SLC12A1: variants seen among roughly 807,000 people sequenced by gnomAD.
The protein encoded by SLC12A1 is Na-K-2Cl cotransporter.
A neutral mutation model predicts 130.4 loss-of-function variants in SLC12A1; 89 were observed. The ratio of observed to expected loss-of-function variants is 0.68; its 90% CI spans 0.58 to 0.81. The LOEUF (loss-of-function observed/expected upper bound fraction) is 0.81. Among genes scored for constraint, SLC12A1 ranks in the 40% least tolerant of loss-of-function variants. The probability of loss-of-function intolerance (pLI) is 0.00; values close to 1 mark genes in which losing one functional copy is unlikely to be tolerated. For missense variants in SLC12A1, 1,310 were observed against 1,336.4 expected, an observed-to-expected ratio of 0.98 and a Z score of 0.31; for synonymous variants, 499 against 460.0, an observed-to-expected ratio of 1.08 and a Z score of -1.09.
At chr15:48,238,296 G>T (rs1238947437) in intron 9 of SLC12A1, among the ~76,000 whole-genome samples, 1 of 152,186 alleles carries the variant, frequency 6.6e-6, no homozygotes, top group African/African-American at 2.4e-5. Context: ...GATGTCTAGT[G>T]AGTGGGTAGC....
intron 5 of SLC12A1, chr15:48,227,272 T>C (rs2041302333): frequency 2.2e-6 from 2 of 911,908 alleles, no homozygotes; most frequent in African/African-American, 1.7e-5. Flanking sequence ...TGCTAATTAG[T>C]CCCCAGTGTC....
At chr15:48,253,180 T>C (rs1361135479) in intron 15 of SLC12A1, among the ~76,000 whole-genome samples, 4 of 152,196 alleles carry the variant, frequency 2.6e-5, no homozygotes, top group African/African-American at 9.7e-5. Flanking sequence ...TTTTATGACT[T>C]TACCTATTGT....
At chr15:48,227,169 G>A in intron 5 of SLC12A1, 1 of 1,545,554 alleles carries the variant, frequency 6.5e-7, no homozygotes, top group Non-Finnish European at 8.8e-7. Context: ...GGAGTAGTAA[G>A]AGGAGGTAAG....
rs369968019 is a variant in SLC12A1 at position 48,208,493 on chromosome 15, TG to T, written c.420+355del. ...ACACCTGACTAACTTTTTTATTTTT[TG>T]TAGAGACAGGGTCTTGCTATGTTGC... is the stretch of plus-strand genomic sequence containing the variant. On this transcript the variant is annotated intron_variant, in intron 2 of 26. Transcript: ENST00000380993. Among the ~76,000 whole-genome samples the T allele has an allele frequency of 2.7e-3, 407 of 152,168 alleles. 1 individual carries two copies. The highest frequency in any genetic ancestry group is 9.4e-3 in the African/African-American group (392 of 41,512).
At position 48,300,267 on chromosome 15, in the gene SLC12A1, G is replaced by A. The variant is rs569487384; in HGVS notation, c.3096+992G>A. ...GATCACTTGAGCCCAGGGGGCAGAG[G>A]TGAGCTGAGCTCGTGCCACTGTACT... is the stretch of plus-strand genomic sequence containing the variant. On this transcript the variant is annotated intron_variant, in intron 25 of 26. Transcript: ENST00000380993. Among the ~76,000 whole-genome samples, 7 of 152,042 alleles carry A rather than the reference G, an allele frequency of 4.6e-5. No homozygotes were observed. The South Asian group carries it at 1.2e-3, about 27-fold the overall frequency.
At chr15:48,243,589 AG>A (rs139161131) in intron 10 of SLC12A1, among the ~76,000 whole-genome samples, 3,651 of 152,314 alleles carry the variant, frequency 0.024, 146 homozygotes, top group African/African-American at 0.085. Flanking sequence ...CAGGAGGCGG[AG>A]GTTGCAGTGA....
rs1693758795 is a variant in SLC12A1, at chr15:48,221,004, T to C, written c.628+8T>C. 6.2e-7 allele frequency: 1 copy of C among 1,611,372 alleles called. No homozygotes were observed. The highest frequency in any genetic ancestry group is 8.5e-7 in the Non-Finnish European group (1 of 1,177,538). The stretch of plus-strand genomic sequence containing the variant: ...TTGGAGAAGCTGGAATTGGTAAGCA[T>C]TTTTCCCCTCCTAAATAATTTTGCA... On this transcript the variant is annotated splice_region_variant and intron_variant, in intron 4 of 26. Coordinates refer to ENST00000380993, the MANE Select transcript of SLC12A1 (RefSeq NM_000338.3).
In SLC12A1 at chr15:48,301,504, G is replaced by GGGGGA. The variant is rs1555387787; in HGVS notation, c.3164+126_3164+127insAGGGG. The stretch of plus-strand genomic sequence containing the variant: ...TTGTTTTGTTTTTGTGTTTTTTTTG[G>GGGGGA]GGGGGGGAACACGTGGGATTCTTAG... On this transcript the variant is annotated intron_variant, in intron 26 of 26. Coordinates refer to ENST00000380993, the MANE Select transcript of SLC12A1 (RefSeq NM_000338.3). The GGGGGA allele has an allele frequency of 1.1e-3, 546 of 502,866 alleles. 17 individuals are homozygous for GGGGGA. The Middle Eastern group carries it at 0.012, about 11-fold the overall frequency. The allele number at this position is 502,866 out of a possible 1,614,324, so 31.2% of individuals were successfully genotyped here. A position where few individuals can be genotyped will look rare whatever the true frequency, so the allele number is the denominator to read the frequency against.
intron 16 of SLC12A1, among the ~76,000 whole-genome samples, chr15:48,257,772 G>A (rs998589020): frequency 9.9e-5 from 15 of 152,212 alleles, no homozygotes; most frequent in African/African-American, 3.6e-4. Context: ...TGATGAGAGA[G>A]GCTGCTGTGA....
chr15:48,291,445 A>G (rs141626558), intron 23 of SLC12A1, among the ~76,000 whole-genome samples: 6 of 152,262 alleles, frequency 3.9e-5, no homozygotes, highest in African/African-American at 7.2e-5. Flanking sequence ...ATAATAGTCC[A>G]TAAGTATTAA....
chr15:48,212,851 GATC>G (rs2041069984), intron 2 of SLC12A1, among the ~76,000 whole-genome samples: 1 of 152,072 alleles, frequency 6.6e-6, no homozygotes, highest in African/African-American at 2.4e-5. Flanking sequence ...ACTATATTTG[GATC>G]ATTATGCTGT....
At chr15:48,300,256 AG>A (rs2042217956) in intron 25 of SLC12A1, among the ~76,000 whole-genome samples, 1 of 151,922 alleles carries the variant, frequency 6.6e-6, no homozygotes, top group East Asian at 1.9e-4. Flanking sequence ...ACTTGAGCCC[AG>A]GGGGCAGAGG....
intron 21 of SLC12A1, among the ~76,000 whole-genome samples, chr15:48,287,312 C>T (rs1390319076): frequency 1.3e-5 from 2 of 151,958 alleles, no homozygotes; most frequent in African/African-American, 4.8e-5. Context: ...TTTATATACA[C>T]CCTTAATTAT....
chr15:48,244,441 T>A lies in SLC12A1; in HGVS notation c.1301-312T>A, dbSNP rs1234203881. Reference sequence around the variant, plus strand: ...GGTAGTACTAAGCCAGACATATATATTGAGTATGTGTTATGTACCAAGCAC... The same window carrying A: ...GGTAGTACTAAGCCAGACATATATAATGAGTATGTGTTATGTACCAAGCAC... On this transcript the variant is annotated intron_variant, in intron 10 of 26. Transcript: ENST00000380993. Among the ~76,000 whole-genome samples the A allele has an allele frequency of 5.9e-5, 9 of 152,200 alleles. 1 individual carries two copies. The highest frequency in any genetic ancestry group is 1.2e-4 in the Non-Finnish European group (8 of 68,040).
intron 19 of SLC12A1, among the ~76,000 whole-genome samples, chr15:48,270,579 T>C (rs2041882138): frequency 6.8e-6 from 1 of 146,696 alleles, no homozygotes; most frequent in Non-Finnish European, 1.5e-5. Flanking sequence ...CTATATATTA[T>C]ATACTCCAAA....
At chr15:48,284,004 A>G (rs1311393596) in intron 20 of SLC12A1, among the ~76,000 whole-genome samples, 1 of 152,262 alleles carries the variant, frequency 6.6e-6, no homozygotes, top group Non-Finnish European at 1.5e-5. Context: ...AATTTTCGTC[A>G]CAATCGGAAT....
chr15:48,241,820 A>T (rs956294899), intron 10 of SLC12A1, among the ~76,000 whole-genome samples: 1 of 152,204 alleles, frequency 6.6e-6, no homozygotes, highest in Non-Finnish European at 1.5e-5. Context: ...GAGTAAAGCT[A>T]ATCAGGTTGT....
rs1485986083 is a variant in SLC12A1 at position 48,207,737 on chromosome 15, T to C, written c.18T>C (p.Ser6=). 1 of 1,585,568 alleles carries C rather than the reference T, an allele frequency of 6.3e-7. No individual in the cohort carries two copies. The highest frequency in any genetic ancestry group is 8.6e-7 in the Non-Finnish European group (1 of 1,166,258). The part of the protein sequence containing the change: MSLNN[S]SNVFLDSVPS... ...TTTGGAAGATGTCACTGAACAACTC[T>C]TCCAATGTATTTCTGGATTCAGTGC... Residue 6 remains serine, a synonymous_variant, in exon 2 of 27, where the codon TCT becomes TCC. Coordinates refer to ENST00000380993, the MANE Select transcript of SLC12A1 (RefSeq NM_000338.3).
chr15:48,263,054 A>T (rs899154599), intron 17 of SLC12A1, among the ~76,000 whole-genome samples: 1 of 152,188 alleles, frequency 6.6e-6, no homozygotes, highest in South Asian at 2.1e-4. Flanking sequence ...CTCTGGGCAC[A>T]CTATGTTCAG....
Sources: gnomAD v4.1 joint callset for allele counts (sites outside exome capture counted in the v4.1 genomes callset) on GRCh38, gnomAD v4.1.1 for gene constraint, MANE v1.5 for transcripts, NCBI Gene and HGNC (gene_info 2026-07-23, HGNC 2026-07-21) for gene names.